KIRREL1: variants seen among roughly 807,000 people sequenced by gnomAD.
The protein encoded by KIRREL1 is kirre like nephrin family adhesion molecule 1, also known as kin of IRRE-like protein 1.
A neutral mutation model predicts 83.3 loss-of-function variants in KIRREL1; 25 were observed. That is an observed-to-expected ratio of 0.30 (90% CI 0.22 to 0.42). KIRREL1 has a LOEUF of 0.42. Ranked by LOEUF, KIRREL1 falls within the 10% of genes least tolerant of loss-of-function variation. The pLI is 1.00. For synonymous variants in KIRREL1, 388 were observed against 410.4 expected, an observed-to-expected ratio of 0.95 and a Z score of 0.66; for missense variants, 812 against 1,032.3, an observed-to-expected ratio of 0.79 and a Z score of 2.92.
intron 1 of KIRREL1, among the ~76,000 whole-genome samples, chr1:158,056,024 C>G (rs1661047761): frequency 2.6e-5 from 4 of 152,186 alleles, no homozygotes; most frequent in African/African-American, 9.7e-5. Flanking sequence ...AGCCCCATCC[C>G]CCTCCCTCTC....
intron 1 of KIRREL1, among the ~76,000 whole-genome samples, chr1:158,057,232 G>A (rs1261427547): frequency 6.6e-6 from 1 of 152,076 alleles, no homozygotes; most frequent in East Asian, 1.9e-4. Context: ...TTGGGGTTTG[G>A]GGACACGTGG....
intron 1 of KIRREL1, among the ~76,000 whole-genome samples, chr1:157,994,572 GGAGGGAAGAGGGCT>G (rs890285399): frequency 6.6e-6 from 1 of 151,996 alleles, no homozygotes; most frequent in African/African-American, 2.4e-5. Context: ...TGGGGTTGGG[GGAGGGAAGAGGGCT>G]GAGGGAACCA....
chr1:158,066,631 T>C (rs757188221), intron 1 of KIRREL1, among the ~76,000 whole-genome samples: 1 of 152,200 alleles, frequency 6.6e-6, no homozygotes, highest in East Asian at 1.9e-4. Context: ...TGTGCTCCTG[T>C]AGGTCAGGGA....
intron 1 of KIRREL1, among the ~76,000 whole-genome samples, chr1:158,029,366 T>TGTGTGTGTGCGCGCGC (rs1553238087): frequency 2.7e-5 from 4 of 149,028 alleles, no homozygotes; most frequent in African/African-American, 1.0e-4. Flanking sequence ...TGTGTGTGTG[T>TGTGTGTGTGCGCGCGC]GCACGTGCGC....
chr1:158,092,084 C>A (rs1662213123), intron 11 of KIRREL1, among the ~76,000 whole-genome samples: 1 of 152,152 alleles, frequency 6.6e-6, no homozygotes, highest in African/African-American at 2.4e-5. Context: ...TTACAAAATG[C>A]CTGGCATACA....
chr1:158,022,029 T>TGTGG (rs1660015005), intron 1 of KIRREL1, among the ~76,000 whole-genome samples: 1 of 151,354 alleles, frequency 6.6e-6, no homozygotes, highest in South Asian at 2.1e-4. Context: ...ACTCCAGGTG[T>TGTGG]GTGGGTGGGT....
At chr1:158,033,643 C>T (rs894220339) in intron 1 of KIRREL1, among the ~76,000 whole-genome samples, 20 of 152,186 alleles carry the variant, frequency 1.3e-4, no homozygotes, top group South Asian at 4.1e-4. Flanking sequence ...TTTCTTGTTT[C>T]GCCCTTGACT....
intron 1 of KIRREL1, among the ~76,000 whole-genome samples, chr1:158,040,054 G>A (rs1474072186): frequency 1.3e-5 from 2 of 152,194 alleles, no homozygotes; most frequent in Non-Finnish European, 2.9e-5. Flanking sequence ...ATGAGACTGG[G>A]CCTCCCTTGC....
At chr1:158,039,203 T>G (rs559704107) in intron 1 of KIRREL1, among the ~76,000 whole-genome samples, 3 of 152,338 alleles carry the variant, frequency 2.0e-5, no homozygotes, top group South Asian at 4.1e-4. Context: ...GCCTGGACTT[T>G]GCTGACAATG....
Position 158,100,211 on chromosome 1 carries a change from T to TTA in KIRREL1, c.*5099_*5100dup, listed in dbSNP as rs952795647. 2 of 148,908 alleles carry TTA rather than the reference T, an allele frequency of 1.3e-5. No individual in the cohort carries two copies. The highest frequency in any genetic ancestry group is 2.4e-5 in the African/African-American group (1 of 40,958). The allele number at this position is 148,908 out of a possible 1,614,324, so 9.2% of individuals were successfully genotyped here. Reference sequence around the variant, plus strand: ...TTTTTAGTCTCAAACACACTATATATTATATATATTTAATTTTTTTATATA... The same window carrying TTA: ...TTTTTAGTCTCAAACACACTATATATTATATATATATTTAATTTTTTTATATA... On this transcript the variant is annotated 3_prime_UTR_variant, in exon 15 of 15. Coordinates refer to ENST00000359209, the MANE Select transcript of KIRREL1 (RefSeq NM_018240.7).
Position 158,017,889 on chromosome 1 carries a change from G to GA in KIRREL1, c.52+24172dup, listed in dbSNP as rs10718985. Among the ~76,000 whole-genome samples the GA allele has an allele frequency of 2.4e-3, 357 of 148,276 alleles. 1 individual carries two copies. The highest frequency in any genetic ancestry group is 8.3e-3 in the African/African-American group (337 of 40,384). On this transcript the variant is annotated intron_variant, in intron 1 of 14. Coordinates refer to ENST00000359209, the MANE Select transcript of KIRREL1 (RefSeq NM_018240.7). ...AGAATTAGAGAGGAAGAGGGGAAAA[G>GA]AAAAAAAAAAAGATTCCAGTTAAAA...
chr1:158,087,677 C>G, intron 5 of KIRREL1, 78 bp from the exon 6 acceptor site: 2 of 1,001,616 alleles, frequency 2.0e-6, no homozygotes, highest in Non-Finnish European at 3.0e-6. Flanking sequence ...GTGGTCAGGT[C>G]TGAATGTACG....
At chr1:158,058,165 C>T (rs780690693) in intron 1 of KIRREL1, among the ~76,000 whole-genome samples, 8 of 152,218 alleles carry the variant, frequency 5.3e-5, no homozygotes, top group South Asian at 4.2e-4. Context: ...GGCCAGGCCT[C>T]GGGTTCTGTA....
intron 1 of KIRREL1, among the ~76,000 whole-genome samples, chr1:158,042,937 A>C (rs1286056216): frequency 2.0e-5 from 3 of 151,388 alleles, no homozygotes; most frequent in African/African-American, 4.9e-5. Context: ...AATACAAAAA[A>C]ATTAGCCGGG....
intron 1 of KIRREL1, among the ~76,000 whole-genome samples, chr1:158,073,753 A>T (rs1308470818): frequency 6.6e-6 from 1 of 151,826 alleles, no homozygotes; most frequent in Non-Finnish European, 1.5e-5. Context: ...TCTCCACAAG[A>T]CCCCCGTTTC....
At chr1:158,022,538 C>T (rs1660027707) in intron 1 of KIRREL1, among the ~76,000 whole-genome samples, 1 of 152,190 alleles carries the variant, frequency 6.6e-6, no homozygotes, top group Non-Finnish European at 1.5e-5. Flanking sequence ...TCTTTGACTT[C>T]ACTTTCCCTA....
chr1:158,042,639 A>G (rs1660660104), intron 1 of KIRREL1, among the ~76,000 whole-genome samples: 1 of 152,162 alleles, frequency 6.6e-6, no homozygotes, highest in South Asian at 2.1e-4. Context: ...TTGCCTCATT[A>G]AAACCTTCAC....
chr1:158,051,147 G>A (rs1660900440), intron 1 of KIRREL1, among the ~76,000 whole-genome samples: 1 of 152,218 alleles, frequency 6.6e-6, no homozygotes, highest in Admixed American at 6.5e-5. Flanking sequence ...TGGAGGCCGA[G>A]AAGCACATGG....
intron 2 of KIRREL1, among the ~76,000 whole-genome samples, chr1:158,077,616 G>A (rs1400538190): frequency 6.6e-6 from 1 of 152,168 alleles, no homozygotes; most frequent in Non-Finnish European, 1.5e-5. Context: ...TGTCTGTGCT[G>A]CGATGCCCTA....
Sources: allele counts gnomAD v4.1 joint callset (sites outside exome capture counted in the v4.1 genomes callset), GRCh38; gene constraint gnomAD v4.1.1; transcripts MANE v1.5; gene names NCBI Gene and HGNC (gene_info 2026-07-23, HGNC 2026-07-21).